The following TENM3 variants were observed in gnomAD, a reference collection of about 807,000 sequenced individuals.
The protein encoded by TENM3 is teneurin transmembrane protein 3.
A neutral mutation model predicts 255.1 loss-of-function variants in TENM3; 63 were observed. The observed-to-expected ratio is 0.25, with a 90% confidence interval of 0.20 to 0.30. TENM3 has a LOEUF of 0.30. TENM3 is among the 10% of genes least tolerant of loss of function. TENM3 has a pLI of 1.00. For missense variants in TENM3, 2,929 were observed against 3,461.1 expected, an observed-to-expected ratio of 0.85 and a Z score of 3.86; for synonymous variants, 1,306 against 1,322.3, an observed-to-expected ratio of 0.99 and a Z score of 0.27.
the TENM3 span, among the ~76,000 whole-genome samples, chr4:181,793,576 T>G: frequency 6.6e-6 from 1 of 152,100 alleles, no homozygotes; most frequent in Admixed American, 6.5e-5. Context: ...GAACTTGGCT[T>G]GCATGGTGGA....
At chr4:182,404,204 C>T (rs1769399119) in intron 3 of TENM3, among the ~76,000 whole-genome samples, 1 of 152,128 alleles carries the variant, frequency 6.6e-6, no homozygotes, top group Non-Finnish European at 1.5e-5. Context: ...TTCTCCAGTG[C>T]AGTAGGGTGT....
chr4:182,057,086 G>A, the TENM3 span, among the ~76,000 whole-genome samples: 12 of 151,634 alleles, frequency 7.9e-5, no homozygotes, highest in Non-Finnish European at 1.5e-4. Context: ...TGCAGGCACT[G>A]ACACCAGCAC....
At chr4:182,469,444 G>A (rs1166571184) in intron 3 of TENM3, among the ~76,000 whole-genome samples, 1 of 152,154 alleles carries the variant, frequency 6.6e-6, no homozygotes, top group Non-Finnish European at 1.5e-5. Flanking sequence ...GCCAAGCACG[G>A]TGGCTCATGC....
the TENM3 span, among the ~76,000 whole-genome samples, chr4:181,887,802 T>C: frequency 6.6e-6 from 1 of 152,300 alleles, no homozygotes; most frequent in South Asian, 2.1e-4. Flanking sequence ...GCCTTTACAA[T>C]AGAAAAATCT....
chr4:181,843,660 AATATTCT>A, the TENM3 span, among the ~76,000 whole-genome samples: 3 of 151,910 alleles, frequency 2.0e-5, no homozygotes, highest in African/African-American at 7.3e-5. Flanking sequence ...GATCTGGATA[AATATTCT>A]GGAGGCTTGG....
At chr4:181,863,494 A>G in the TENM3 span, among the ~76,000 whole-genome samples, 1 of 152,196 alleles carries the variant, frequency 6.6e-6, no homozygotes, top group Non-Finnish European at 1.5e-5. Flanking sequence ...AAAACAAATT[A>G]TAGGCAAAAA....
At chr4:182,521,088 C>T (rs777867215) in intron 3 of TENM3, among the ~76,000 whole-genome samples, 1 of 152,184 alleles carries the variant, frequency 6.6e-6, no homozygotes, top group African/African-American at 2.4e-5. Context: ...AATGACAGCT[C>T]ATTAGCCCTT....
chr4:182,161,288 C>G lies in TENM3; in HGVS notation c.-76+16534C>G, dbSNP rs1171112448. On this transcript the variant is annotated intron_variant, in intron 1 of 2. Transcript: ENST00000512480. ...AAAATTAGCCGGGCGTGGTGGCGGGCGCCTGTAGTCCCAGCTACTCGGGAG... is the reference window on the plus strand; with the variant it reads ...AAAATTAGCCGGGCGTGGTGGCGGGGGCCTGTAGTCCCAGCTACTCGGGAG... 2.2e-5 allele frequency among the ~76,000 whole-genome samples: 3 copies of G among 134,322 alleles called. 1 individual carries two copies. The highest frequency in any genetic ancestry group is 2.6e-4 in the East Asian group (1 of 3,788). 88.1% of individuals were successfully genotyped at this position (134,322 alleles called of 152,430 possible). A position where few individuals can be genotyped will look rare whatever the true frequency, so the allele number is the denominator to read the frequency against.
intron 12 of TENM3, among the ~76,000 whole-genome samples, chr4:182,713,186 G>A (rs1335047170): frequency 6.6e-6 from 1 of 152,184 alleles, no homozygotes; most frequent in Non-Finnish European, 1.5e-5. Flanking sequence ...AAAGGTAACA[G>A]CATAAAAGCC....
the TENM3 span, among the ~76,000 whole-genome samples, chr4:182,055,465 TGAG>T: frequency 6.6e-6 from 1 of 152,192 alleles, no homozygotes; most frequent in Non-Finnish European, 1.5e-5. Flanking sequence ...TCACTTCCCT[TGAG>T]GATAGTATGC....
At chr4:182,139,851 A>G (rs1042237376), upstream of TENM3, among the ~76,000 whole-genome samples, 25 of 152,242 alleles carry the variant, frequency 1.6e-4, no homozygotes, top group African/African-American at 6.0e-4. Flanking sequence ...ACCATGGAAT[A>G]CAAACGAATG....
chr4:181,641,223 A>G, the TENM3 span, among the ~76,000 whole-genome samples: 1 of 151,964 alleles, frequency 6.6e-6, no homozygotes, highest in Non-Finnish European at 1.5e-5. Context: ...TCTGGGATAC[A>G]TGTGCAGAAC....
At chr4:182,424,020 A>G (rs1308321815) in intron 3 of TENM3, among the ~76,000 whole-genome samples, 1 of 152,206 alleles carries the variant, frequency 6.6e-6, no homozygotes, top group African/African-American at 2.4e-5. Context: ...CAAGTACAGT[A>G]TATTTTTGAA....
the TENM3 span, among the ~76,000 whole-genome samples, chr4:181,767,518 G>A: frequency 6.6e-6 from 1 of 152,074 alleles, no homozygotes; most frequent in African/African-American, 2.4e-5. Context: ...GATCATTTCA[G>A]TAGTACGTTG....
At chr4:182,387,937 CAAAAA>C (rs5864781) in intron 3 of TENM3, among the ~76,000 whole-genome samples, 11 of 136,736 alleles carry the variant, frequency 8.0e-5, no homozygotes, top group African/African-American at 2.2e-4. Flanking sequence ...GTGATAATTG[CAAAAA>C]AAAAAAAAAA....
chr4:182,388,850 C>T (rs1768199659), intron 3 of TENM3, among the ~76,000 whole-genome samples: 1 of 152,128 alleles, frequency 6.6e-6, no homozygotes, highest in African/African-American at 2.4e-5. Context: ...CAATCTATGA[C>T]CAAAAGTTGT....
the TENM3 span, among the ~76,000 whole-genome samples, chr4:181,738,418 C>A: frequency 2.0e-5 from 3 of 152,122 alleles, no homozygotes; most frequent in African/African-American, 7.2e-5. Flanking sequence ...TTGTTAGCAA[C>A]CCCCTTACTC....
chr4:182,693,640 G>A lies in TENM3; in HGVS notation c.2221+5289G>A, dbSNP rs530883776. ...TTCTTAGCCTCAGTTGGGTTTTTTC[G>A]CAATGTAAAATGGCTATAATAGTAC... On this transcript the variant is annotated intron_variant, in intron 12 of 27. Coordinates refer to ENST00000511685, the MANE Select transcript of TENM3 (RefSeq NM_001080477.4). Among the ~76,000 whole-genome samples the A allele has an allele frequency of 5.5e-4, 83 of 152,122 alleles. 1 individual carries two copies. The East Asian group carries it at 7.5e-3, about 14-fold the overall frequency.
intron 3 of TENM3, among the ~76,000 whole-genome samples, chr4:182,501,088 A>C (rs185393224): frequency 9.7e-4 from 148 of 152,282 alleles, no homozygotes; most frequent in African/African-American, 3.5e-3. Flanking sequence ...AGAAAGCCAC[A>C]CAGCATTGGT....
Sources: allele counts gnomAD v4.1 joint callset (sites outside exome capture counted in the v4.1 genomes callset), GRCh38; gene constraint gnomAD v4.1.1; transcripts MANE v1.5; gene names NCBI Gene and HGNC (gene_info 2026-07-23, HGNC 2026-07-21).